CHD1: variants seen among roughly 807,000 people sequenced by gnomAD.
CHD1 encodes the protein ATP-dependent chromatin remodeler CHD1.
In CHD1, 36 loss-of-function variants were observed where a neutral mutation model predicts 224.2. That is an observed-to-expected ratio of 0.16 (90% CI 0.12 to 0.21). CHD1 has a LOEUF of 0.21. CHD1 is among the 10% of genes least tolerant of loss of function. CHD1 has a pLI of 1.00. For missense variants in CHD1, 1,378 were observed against 1,994.8 expected (o/e 0.69, Z 5.89); for synonymous variants, 668 against 658.3 (o/e 1.01, Z -0.23).
chr5:98,861,400 G>T (rs1748454968), intron 32 of CHD1, among the ~76,000 whole-genome samples: 1 of 152,000 alleles, frequency 6.6e-6, no homozygotes, highest in Non-Finnish European at 1.5e-5. Context: ...CATTTCAGTT[G>T]TTTTTAAGAA....
intron 5 of CHD1, 63 bp from the exon 6 acceptor site, chr5:98,901,398 C>T: frequency 7.7e-7 from 1 of 1,295,148 alleles, no homozygotes. Context: ...ATCCCTAATA[C>T]AAAGATGATC....
At chr5:98,882,949 C>T (rs2112406258) in intron 19 of CHD1, 139 bp downstream of exon 19, 1 of 481,528 alleles carries the variant, frequency 2.1e-6, no homozygotes, top group Non-Finnish European at 3.4e-6. Context: ...GTAAACCAAG[C>T]TCCTCAGTAT....
chr5:98,916,220 T>C (rs1024534914), intron 2 of CHD1, among the ~76,000 whole-genome samples: 1 of 151,770 alleles, frequency 6.6e-6, no homozygotes, highest in South Asian at 2.1e-4. Flanking sequence ...AAGTTCAATT[T>C]TAAAGAGATT....
chr5:98,869,940 A>G, intron 29 of CHD1, 58 bp from the exon 30 acceptor site: 1 of 1,323,794 alleles, frequency 7.6e-7, no homozygotes, highest in East Asian at 2.4e-5. Context: ...TAAAAACTTC[A>G]TAAACATTAA....
chr5:98,870,440 CCTCT>C (rs980424024), intron 29 of CHD1, among the ~76,000 whole-genome samples: 53 of 151,996 alleles, frequency 3.5e-4, no homozygotes, highest in African/African-American at 1.3e-3. Flanking sequence ...TTTCTCTATC[CCTCT>C]CTAAAACTAG....
At chr5:98,890,967 T>A (rs1241278057) in intron 15 of CHD1, among the ~76,000 whole-genome samples, 1 of 152,138 alleles carries the variant, frequency 6.6e-6, no homozygotes, top group African/African-American at 2.4e-5. Flanking sequence ...CGTAAAAAAA[T>A]TTTTTGAGAC....
chr5:98,914,524 A>C (rs1752620422), intron 2 of CHD1, among the ~76,000 whole-genome samples: 1 of 152,152 alleles, frequency 6.6e-6, no homozygotes, highest in Non-Finnish European at 1.5e-5. Context: ...ATAGAAAAAA[A>C]AAATACCTTA....
Position 98,869,407 on chromosome 5 carries a change from T to C in CHD1, c.4107+347A>G, listed in dbSNP as rs542982125. On this transcript the variant is annotated intron_variant, in intron 30 of 35. Transcript: ENST00000614616. ...CCAGAATCCCCCTAATAATGATACA[T>C]GCAATGTTTACCTTCCTATAAACTA... is the stretch of plus-strand genomic sequence containing the variant. The C allele has an allele frequency of 2.9e-5, 9 of 309,716 alleles. No individual in the cohort carries two copies. In the South Asian group the frequency reaches 8.0e-4, roughly 28 times the overall value. 19.2% of individuals were successfully genotyped at this position (309,716 alleles called of 1,614,324 possible).
intron 31 of CHD1, among the ~76,000 whole-genome samples, chr5:98,867,254 T>G (rs1748946358): frequency 6.6e-6 from 1 of 152,176 alleles, no homozygotes; most frequent in African/African-American, 2.4e-5. Context: ...TCTCCCTCAC[T>G]TTGAGGAACG....
intron 2 of CHD1, among the ~76,000 whole-genome samples, chr5:98,916,129 T>C (rs1457065564): frequency 6.6e-6 from 1 of 151,806 alleles, no homozygotes; most frequent in East Asian, 1.9e-4. Flanking sequence ...GAGGTGGAAG[T>C]TCCAGTGAGC....
intron 3 of CHD1, 83 bp downstream of exon 3, chr5:98,904,814 T>C (rs532967997): frequency 8.4e-7 from 1 of 1,197,422 alleles, no homozygotes; most frequent in Non-Finnish European, 1.2e-6. Flanking sequence ...AAAAGCTAGA[T>C]TAAGAATGGT....
intron 2 of CHD1, among the ~76,000 whole-genome samples, chr5:98,925,602 A>C (rs1382477095): frequency 6.6e-6 from 1 of 152,222 alleles, no homozygotes. Flanking sequence ...ACTAATGTGC[A>C]GATAACTCAA....
At position 98,920,812 on chromosome 5, in the gene CHD1, A is replaced by AG. The variant is rs1337655852; in HGVS notation, c.53+5521_53+5522insC. On this transcript the variant is annotated intron_variant, in intron 2 of 35. Transcript: ENST00000614616. ...ACGCCGTCTCAAAAAAAAAAAAAAA[A>AG]AGACAAATCTAGATTTCAAAAACAT... 6.0e-4 allele frequency among the ~76,000 whole-genome samples: 91 copies of AG among 151,596 alleles called. 1 individual carries two copies. Among genetic ancestry groups the AG allele is most frequent in the Middle Eastern group, 3.4e-3 (1 of 294 alleles).
In CHD1 at chr5:98,868,600, G is replaced by A. The variant is rs770408111; in HGVS notation, c.4143C>T (p.Ser1381=). The part of the protein sequence containing the change: ...SESKSDGRER[S]KKSSVSDAPV... ...GAGCATCTGACACTGAAGATTTCTT[G>A]GATCTTTCCCTACCATCAGACTTGG... Residue 1381 remains serine, a synonymous_variant, in exon 31 of 36, where the codon TCC becomes TCT. Transcript: ENST00000614616. 1.9e-6 allele frequency: 3 copies of A among 1,604,838 alleles called. No homozygotes were observed. In the South Asian group the frequency reaches 3.4e-5, roughly 18 times the overall value.
intron 26 of CHD1, among the ~76,000 whole-genome samples, chr5:98,873,197 ATAAT>A (rs1225826302): frequency 4.6e-5 from 7 of 152,174 alleles, no homozygotes; most frequent in African/African-American, 1.2e-4. Flanking sequence ...TAATAATAAA[ATAAT>A]TATGTCCCAA....
intron 23 of CHD1, among the ~76,000 whole-genome samples, chr5:98,877,372 A>G (rs922206281): frequency 6.6e-6 from 1 of 152,260 alleles, no homozygotes; most frequent in African/African-American, 2.4e-5. Context: ...AAAAATTAGA[A>G]TGATGTACAC....
At chr5:98,921,494 T>C (rs1339943751) in intron 2 of CHD1, among the ~76,000 whole-genome samples, 1 of 151,868 alleles carries the variant, frequency 6.6e-6, no homozygotes, top group African/African-American at 2.4e-5. Context: ...TCTACAGTTA[T>C]AATAAGCTCC....
At chr5:98,925,172 T>C (rs1753374047) in intron 2 of CHD1, among the ~76,000 whole-genome samples, 1 of 152,188 alleles carries the variant, frequency 6.6e-6, no homozygotes, top group African/African-American at 2.4e-5. Context: ...AACATGCTGG[T>C]TACAATAAGC....
chr5:98,875,001 TAATACA>T, intron 25 of CHD1, 65 bp downstream of exon 25: 2 of 792,004 alleles, frequency 2.5e-6, no homozygotes, highest in South Asian at 3.3e-5. Flanking sequence ...AACTGAATGT[TAATACA>T]AATAAATAAA....
Sources: gnomAD v4.1 joint callset for allele counts (sites outside exome capture counted in the v4.1 genomes callset) on GRCh38, gnomAD v4.1.1 for gene constraint, MANE v1.5 for transcripts, NCBI Gene and HGNC (gene_info 2026-07-23, HGNC 2026-07-21) for gene names.